ALK: variants seen among roughly 807,000 people sequenced by gnomAD.
ALK encodes the protein ALK receptor tyrosine kinase.
ALK carries 74 observed loss-of-function variants against 163.1 expected under a neutral mutation model. The ratio of observed to expected loss-of-function variants is 0.45; its 90% CI spans 0.38 to 0.55. The LOEUF (loss-of-function observed/expected upper bound fraction) is 0.55. Ranked by LOEUF, ALK falls within the 20% of genes least tolerant of loss-of-function variation. The probability of loss-of-function intolerance (pLI) is 0.00; values close to 1 mark genes in which losing one functional copy is unlikely to be tolerated. For synonymous variants in ALK, 960 were observed against 843.2 expected, an observed-to-expected ratio of 1.14 and a Z score of -2.40; for missense variants, 2,063 against 2,105.3, an observed-to-expected ratio of 0.98 and a Z score of 0.39.
chr2:29,284,318 C>T (rs749021675), intron 9 of ALK, among the ~76,000 whole-genome samples: 11 of 150,940 alleles, frequency 7.3e-5, no homozygotes, highest in South Asian at 2.1e-4. Context: ...GTTCCTGGCG[C>T]GGGGGTGGGG....
At chr2:29,422,693 T>C (rs1670044778) in intron 4 of ALK, among the ~76,000 whole-genome samples, 1 of 152,188 alleles carries the variant, frequency 6.6e-6, no homozygotes, top group Admixed American at 6.5e-5. Context: ...GAAATGCCGG[T>C]GACATCTCTT....
chr2:29,846,394 C>T (rs1572431362), intron 1 of ALK, among the ~76,000 whole-genome samples: 1 of 152,202 alleles, frequency 6.6e-6, no homozygotes, highest in Non-Finnish European at 1.5e-5. Context: ...TATAAAATTG[C>T]CTTGTCCATT....
At chr2:29,541,899 A>G (rs1457711734) in intron 3 of ALK, among the ~76,000 whole-genome samples, 1 of 152,160 alleles carries the variant, frequency 6.6e-6, no homozygotes, top group Admixed American at 6.5e-5. Context: ...TCATCTACAT[A>G]ACAAGACCAC....
chr2:29,615,212 A>G (rs1675807008), intron 3 of ALK, among the ~76,000 whole-genome samples: 1 of 152,146 alleles, frequency 6.6e-6, no homozygotes, highest in African/African-American at 2.4e-5. Context: ...ACTTGGTTAC[A>G]TGATATTTAC....
chr2:29,498,874 C>T (rs1025653478), intron 4 of ALK, among the ~76,000 whole-genome samples: 3 of 152,078 alleles, frequency 2.0e-5, no homozygotes, highest in African/African-American at 4.8e-5. Flanking sequence ...CAGTCAGAGA[C>T]GGTGGCATGA....
chr2:29,660,370 G>C (rs566528735), intron 3 of ALK, among the ~76,000 whole-genome samples: 19 of 152,200 alleles, frequency 1.2e-4, no homozygotes, highest in Non-Finnish European at 1.9e-4. Flanking sequence ...GAAACAAGAA[G>C]AGTTGCCAAG....
At chr2:29,494,402 G>A (rs1317929999) in intron 4 of ALK, among the ~76,000 whole-genome samples, 1 of 152,238 alleles carries the variant, frequency 6.6e-6, no homozygotes. Flanking sequence ...ACTACAGAGA[G>A]CTTGGTGAAT....
intron 1 of ALK, among the ~76,000 whole-genome samples, chr2:29,803,347 T>G (rs1348419340): frequency 6.6e-6 from 1 of 152,022 alleles, no homozygotes; most frequent in Non-Finnish European, 1.5e-5. Flanking sequence ...CTGAATAGAG[T>G]CAGACTCTTA....
chr2:29,644,495 CAG>C lies in ALK; in HGVS notation c.952+50353_952+50354del, dbSNP rs76832843. Among the ~76,000 whole-genome samples, 1,377 of 152,056 alleles carry C rather than the reference CAG, an allele frequency of 9.1e-3. 82 individuals are homozygous for C. In the East Asian group the frequency reaches 0.15, roughly 16 times the overall value. ...AGCTTTCCCTGTGGTTTCAGAAACA[CAG>C]AGAGATTACAGTCATGTCTGTGTGT... On this transcript the variant is annotated intron_variant, in intron 3 of 28. Coordinates refer to ENST00000389048, the MANE Select transcript of ALK (RefSeq NM_004304.5).
At chr2:29,505,288 GGGTCCAGGGACCT>G (rs1160156888) in intron 4 of ALK, among the ~76,000 whole-genome samples, 1 of 152,148 alleles carries the variant, frequency 6.6e-6, no homozygotes, top group African/African-American at 2.4e-5. Flanking sequence ...GAGGGGAAGG[GGGTCCAGGGACCT>G]GCTGCTGTGT....
At chr2:29,671,193 G>T (rs1246512642) in intron 3 of ALK, among the ~76,000 whole-genome samples, 4 of 151,658 alleles carry the variant, frequency 2.6e-5, no homozygotes, top group African/African-American at 7.3e-5. Context: ...CCTCCTTTTT[G>T]GTTCTAAGTA....
intron 3 of ALK, among the ~76,000 whole-genome samples, chr2:29,609,476 T>C (rs1675630929): frequency 6.6e-6 from 1 of 152,144 alleles, no homozygotes; most frequent in African/African-American, 2.4e-5. Flanking sequence ...CTCTCACTCA[T>C]CTACACATCC....
At chr2:29,778,266 G>C (rs1681234117) in intron 1 of ALK, among the ~76,000 whole-genome samples, 1 of 152,200 alleles carries the variant, frequency 6.6e-6, no homozygotes. Flanking sequence ...CAATGCTGTT[G>C]ATGGCAGTGA....
At chr2:29,914,231 T>C (rs1667775346) in intron 1 of ALK, among the ~76,000 whole-genome samples, 1 of 152,244 alleles carries the variant, frequency 6.6e-6, no homozygotes, top group Admixed American at 6.5e-5. Context: ...GAAAGTCGCC[T>C]TCCATGGTGA....
intron 28 of ALK, among the ~76,000 whole-genome samples, chr2:29,194,337 T>TG (rs1246562286): frequency 2.0e-5 from 3 of 149,680 alleles, no homozygotes; most frequent in Non-Finnish European, 4.4e-5. Flanking sequence ...AGAGTGATGG[T>TG]GGGGGGCTGG....
chr2:29,262,516 T>C lies in ALK; in HGVS notation c.2042-11249A>G, dbSNP rs73920761. ...AAGTTAGGGGTGGTAACAACAACAA[T>C]GATCACACCAGCCCTGTCTTTTACT... On this transcript the variant is annotated intron_variant, in intron 11 of 28. Transcript: ENST00000389048. 2.3e-3 allele frequency among the ~76,000 whole-genome samples: 348 copies of C among 152,324 alleles called. 2 individuals are homozygous for C. Among genetic ancestry groups the C allele is most frequent in the African/African-American group, 8.1e-3 (338 of 41,594 alleles).
Position 29,272,274 on chromosome 2 carries a change from G to A in ALK, c.2041+2825C>T, listed in dbSNP as rs932945541. Among the ~76,000 whole-genome samples the A allele has an allele frequency of 9.8e-5, 15 of 152,334 alleles. No individual in the cohort carries two copies. In the East Asian group the frequency reaches 2.1e-3, roughly 22 times the overall value. On this transcript the variant is annotated intron_variant, in intron 11 of 28. Coordinates refer to ENST00000389048, the MANE Select transcript of ALK (RefSeq NM_004304.5). ...AATCATTTGGTTAGTGTAATTGTAT[G>A]TGCAAAGCTGACAAATGTAATTTCC... is the stretch of plus-strand genomic sequence containing the variant.
intron 15 of ALK, among the ~76,000 whole-genome samples, chr2:29,230,094 G>T (rs1269360627): frequency 6.6e-6 from 1 of 152,178 alleles, no homozygotes; most frequent in Non-Finnish European, 1.5e-5. Flanking sequence ...CTCAGTATCT[G>T]TGGAGGTTCC....
intron 4 of ALK, among the ~76,000 whole-genome samples, chr2:29,496,566 A>C (rs1228117737): frequency 2.6e-5 from 4 of 152,244 alleles, no homozygotes; most frequent in African/African-American, 7.2e-5. Context: ...CAATAAATAA[A>C]AAAAAATGCC....
Sources: gnomAD v4.1 joint callset for allele counts (sites outside exome capture counted in the v4.1 genomes callset) on GRCh38, gnomAD v4.1.1 for gene constraint, MANE v1.5 for transcripts, NCBI Gene and HGNC (gene_info 2026-07-23, HGNC 2026-07-21) for gene names.